The following CAB39L variants were observed in gnomAD, a reference collection of about 807,000 sequenced individuals.
CAB39L encodes calcium-binding protein 39-like.
A neutral mutation model predicts 39.1 loss-of-function variants in CAB39L; 23 were observed. That is an observed-to-expected ratio of 0.59 (90% CI 0.42 to 0.83). CAB39L has a LOEUF of 0.83. Ranked by LOEUF, CAB39L falls within the 40% of genes least tolerant of loss-of-function variation. The probability of loss-of-function intolerance (pLI) is 0.00; values close to 1 mark genes in which losing one functional copy is unlikely to be tolerated. For missense variants in CAB39L, 366 were observed against 391.9 expected (o/e 0.93, Z 0.56); for synonymous variants, 126 against 137.2 (o/e 0.92, Z 0.57).
Position 49,310,815 on chromosome 13 carries a change from C to G in CAB39L, c.1013G>C (p.Ter338SerextTer44). 1 of 1,613,714 alleles carries G rather than the reference C, an allele frequency of 6.2e-7. No individual in the cohort carries two copies. The highest frequency in any genetic ancestry group is 8.5e-7 in the Non-Finnish European group (1 of 1,179,726). Residue 338 changes from the stop codon to serine, a stop_lost, in exon 11 of 11, where the codon TGA (stop) becomes TCA (serine). Transcript: ENST00000409308. ...QIRDLKKTAP[*>S] ...CTGTGACAGGGGCCGGGGAGCTCTTCAAGGGGCCGTTTTCTTCAAGTCTCG... is the reference window on the plus strand; with the variant it reads ...CTGTGACAGGGGCCGGGGAGCTCTTGAAGGGGCCGTTTTCTTCAAGTCTCG...
chr13:49,407,344 T>C (rs1194049714), intron 3 of CAB39L, among the ~76,000 whole-genome samples: 1 of 152,206 alleles, frequency 6.6e-6, no homozygotes, highest in Admixed American at 6.5e-5. Context: ...TATTGAGTGT[T>C]GTAAGGCTTT....
intron 3 of CAB39L, among the ~76,000 whole-genome samples, chr13:49,418,599 G>A (rs941327158): frequency 5.9e-5 from 9 of 152,056 alleles, no homozygotes; most frequent in Non-Finnish European, 1.0e-4. Context: ...ACACAGTCTC[G>A]CTCTTGTCAC....
At chr13:49,441,437 C>T (rs1957521389) in intron 1 of CAB39L, among the ~76,000 whole-genome samples, 1 of 151,452 alleles carries the variant, frequency 6.6e-6, no homozygotes, top group Admixed American at 6.6e-5. Flanking sequence ...CATGGTGGCA[C>T]ATATCTATAG....
intron 5 of CAB39L, 29 bp downstream of exon 5, chr13:49,376,938 C>A: frequency 6.9e-7 from 1 of 1,441,570 alleles, no homozygotes. Flanking sequence ...TTGAAAAGCA[C>A]CACTGACATC....
chr13:49,415,933 T>C lies in CAB39L; in HGVS notation c.-32+17385A>G, dbSNP rs138135869. ...AAAACAGAGAGGAAGTGCTGACTTT[T>C]AGATGATGAGTGGGGAAGCTCATAA... On this transcript the variant is annotated intron_variant, in intron 3 of 10. Coordinates refer to ENST00000409308, the MANE Select transcript of CAB39L (RefSeq NM_001079670.3). Among the ~76,000 whole-genome samples the C allele has an allele frequency of 2.4e-4, 37 of 152,330 alleles. No individual in the cohort carries two copies. The East Asian group carries it at 7.1e-3, about 29-fold the overall frequency.
rs111664849 is a variant in CAB39L, at chr13:49,376,891, G to GTAGATAGATAGATAGATAGATAGATAGA, written c.276+48_276+75dup. 2,711 of 787,234 alleles carry GTAGATAGATAGATAGATAGATAGATAGA rather than the reference G, an allele frequency of 3.4e-3. 14 individuals are homozygous for GTAGATAGATAGATAGATAGATAGATAGA. Among genetic ancestry groups the GTAGATAGATAGATAGATAGATAGATAGA allele is most frequent in the African/African-American group, 4.4e-3 (233 of 53,248 alleles). 48.8% of individuals were successfully genotyped at this position (787,234 alleles called of 1,614,324 possible). A position where few individuals can be genotyped will look rare whatever the true frequency, so the allele number is the denominator to read the frequency against. On this transcript the variant is annotated intron_variant, in intron 5 of 10. Coordinates refer to ENST00000409308, the MANE Select transcript of CAB39L (RefSeq NM_001079670.3). ...CATAATGAAAAGCAAAAGTTGAATA[G>GTAGATAGATAGATAGATAGATAGATAGA]TAGATAGATAGATAGATAGATAGAT...
intron 6 of CAB39L, among the ~76,000 whole-genome samples, chr13:49,353,732 C>T (rs1305149304): frequency 6.6e-6 from 1 of 151,944 alleles, no homozygotes; most frequent in Non-Finnish European, 1.5e-5. Flanking sequence ...CAGTAAATTG[C>T]TATAGGTCTA....
At chr13:49,351,198 T>G in intron 6 of CAB39L, 1 of 247,396 alleles carries the variant, frequency 4.0e-6, no homozygotes. Flanking sequence ...GATAATTTCA[T>G]ACACTGAGAA....
chr13:49,328,279 G>C (rs888682527), intron 10 of CAB39L, among the ~76,000 whole-genome samples: 1 of 152,104 alleles, frequency 6.6e-6, no homozygotes, highest in East Asian at 1.9e-4. Context: ...GGACATTTTC[G>C]CCAATATGAA....
intron 3 of CAB39L, among the ~76,000 whole-genome samples, chr13:49,390,094 C>T (rs1207193336): frequency 6.6e-6 from 1 of 152,006 alleles, no homozygotes; most frequent in East Asian, 1.9e-4. Flanking sequence ...TGTATGTTGC[C>T]CAGGCTGGTC....
intron 10 of CAB39L, among the ~76,000 whole-genome samples, chr13:49,326,479 A>G (rs1254563021): frequency 1.3e-5 from 2 of 152,186 alleles, no homozygotes; most frequent in African/African-American, 4.8e-5. Context: ...TTAGCAGGCT[A>G]ATGAGAGTCA....
intron 5 of CAB39L, among the ~76,000 whole-genome samples, chr13:49,362,214 C>A (rs1249260266): frequency 6.6e-6 from 1 of 151,902 alleles, no homozygotes; most frequent in Non-Finnish European, 1.5e-5. Context: ...AGCACTAACA[C>A]CATCCAAGAA....
chr13:49,344,762 T>A (rs1263401817), intron 7 of CAB39L, among the ~76,000 whole-genome samples: 1 of 152,090 alleles, frequency 6.6e-6, no homozygotes, highest in Non-Finnish European at 1.5e-5. Context: ...GACTTTGTGA[T>A]CCACCTGCCT....
intron 9 of CAB39L, among the ~76,000 whole-genome samples, chr13:49,337,799 T>C (rs1351451682): frequency 6.6e-6 from 1 of 151,770 alleles, no homozygotes; most frequent in African/African-American, 2.4e-5. Context: ...GTCGCCGCTT[T>C]CTGTCTCCTT....
intron 3 of CAB39L, among the ~76,000 whole-genome samples, chr13:49,399,840 A>T (rs1413004226): frequency 1.3e-5 from 2 of 152,050 alleles, no homozygotes. Context: ...ATCTATAAAG[A>T]AGTAAAAGTA....
intron 3 of CAB39L, among the ~76,000 whole-genome samples, chr13:49,387,208 C>G (rs1456065516): frequency 6.6e-6 from 1 of 152,150 alleles, no homozygotes; most frequent in Non-Finnish European, 1.5e-5. Context: ...CATTCTGAGT[C>G]TTTAACCCCC....
At chr13:49,378,513 AG>A (rs1956156756) in intron 4 of CAB39L, among the ~76,000 whole-genome samples, 1 of 62,208 alleles carries the variant, frequency 1.6e-5, no homozygotes, top group Non-Finnish European at 3.2e-5. Flanking sequence ...CAGCCCGGCC[AG>A]CCACCCCGTC....
At chr13:49,385,892 T>C (rs1956347085) in intron 3 of CAB39L, among the ~76,000 whole-genome samples, 1 of 152,150 alleles carries the variant, frequency 6.6e-6, no homozygotes, top group Non-Finnish European at 1.5e-5. Context: ...GTTTGAAATA[T>C]TGTGAGAATT....
At chr13:49,419,233 G>T (rs547354147) in intron 3 of CAB39L, among the ~76,000 whole-genome samples, 2 of 152,322 alleles carry the variant, frequency 1.3e-5, no homozygotes, top group Admixed American at 1.3e-4. Flanking sequence ...CTCCCAAAGT[G>T]CTGGGATTAC....
Sources: allele counts gnomAD v4.1 joint callset (sites outside exome capture counted in the v4.1 genomes callset), GRCh38; gene constraint gnomAD v4.1.1; transcripts MANE v1.5; gene names NCBI Gene and HGNC (gene_info 2026-07-23, HGNC 2026-07-21).